The following NRXN1 variants were observed in gnomAD, a reference collection of about 807,000 sequenced individuals.
The protein encoded by NRXN1 is neurexin-1.
Under a neutral mutation model 150.9 loss-of-function variants are expected in NRXN1, and 39 were observed. That is an observed-to-expected ratio of 0.26 (90% CI 0.20 to 0.34). NRXN1 has a LOEUF of 0.34. Among genes scored for constraint, NRXN1 ranks in the 10% least tolerant of loss-of-function variants. The probability of loss-of-function intolerance (pLI) is 1.00; values close to 1 mark genes in which losing one functional copy is unlikely to be tolerated. For missense variants in NRXN1, 1,815 were observed against 1,949.9 expected (o/e 0.93, Z 1.30); for synonymous variants, 924 against 757.0 (o/e 1.22, Z -3.62).
chr2:49,960,947 C>T (rs916181497), intron 21 of NRXN1, among the ~76,000 whole-genome samples: 15 of 152,042 alleles, frequency 9.9e-5, no homozygotes, highest in South Asian at 4.2e-4. Flanking sequence ...CTATTGGGTA[C>T]GGGAAATAAT....
At chr2:50,443,017 TG>T (rs1475005458) in intron 17 of NRXN1, among the ~76,000 whole-genome samples, 1 of 151,948 alleles carries the variant, frequency 6.6e-6, no homozygotes, top group African/African-American at 2.4e-5. Flanking sequence ...CAGATTGGAG[TG>T]GGTTGAATAG....
chr2:50,893,640 C>T lies in NRXN1; in HGVS notation c.832+28229G>A, dbSNP rs185219266. Among the ~76,000 whole-genome samples, 118 of 152,234 alleles carry T rather than the reference C, an allele frequency of 7.8e-4. No individual in the cohort carries two copies. The East Asian group carries it at 8.3e-3, about 11-fold the overall frequency. On this transcript the variant is annotated intron_variant, in intron 5 of 22. Transcript: ENST00000401669. ...TATTTTTATTGAATCCAGAAGTTCT[C>T]TGATTATGCAGGGATGTATTATAAT...
At chr2:50,830,726 A>C (rs757544380) in intron 5 of NRXN1, among the ~76,000 whole-genome samples, 1 of 149,578 alleles carries the variant, frequency 6.7e-6, no homozygotes. Flanking sequence ...CCCATACTAG[A>C]TTCCTATAAG....
intron 17 of NRXN1, among the ~76,000 whole-genome samples, chr2:50,383,099 C>G (rs932219660): frequency 6.6e-6 from 1 of 152,006 alleles, no homozygotes; most frequent in African/African-American, 2.4e-5. Context: ...CTTTCAGGGC[C>G]AATCAGGTTG....
Position 50,296,518 on chromosome 2 carries a change from C to CTATTATTAT in NRXN1, c.3365-59557_3365-59549dup, listed in dbSNP as rs70946899. The stretch of plus-strand genomic sequence containing the variant: ...TCCATGTGTACCCATTGCTTAGCTT[C>CTATTATTAT]TATTATTATTATTATTATCATTATT... On this transcript the variant is annotated intron_variant, in intron 17 of 22. Coordinates refer to ENST00000401669, the MANE Select transcript of NRXN1 (RefSeq NM_001330078.2). Among the ~76,000 whole-genome samples the CTATTATTAT allele has an allele frequency of 7.7e-3, 1,140 of 148,002 alleles. 18 individuals are homozygous for CTATTATTAT. Among genetic ancestry groups the CTATTATTAT allele is most frequent in the African/African-American group, 0.024 (959 of 39,640 alleles).
At chr2:50,064,147 C>T (rs929694405) in intron 19 of NRXN1, among the ~76,000 whole-genome samples, 16 of 151,784 alleles carry the variant, frequency 1.1e-4, no homozygotes, top group South Asian at 6.2e-4. Context: ...CATATGTGTG[C>T]ATGTCTATTT....
chr2:50,160,225 T>C (rs561595333), intron 18 of NRXN1, among the ~76,000 whole-genome samples: 7 of 151,938 alleles, frequency 4.6e-5, no homozygotes, highest in Non-Finnish European at 5.9e-5. Context: ...ACTGCTAGTA[T>C]TGATGAAATG....
intron 18 of NRXN1, among the ~76,000 whole-genome samples, chr2:50,134,574 G>C (rs879265782): frequency 5.9e-5 from 9 of 152,162 alleles, no homozygotes; most frequent in Non-Finnish European, 8.8e-5. Flanking sequence ...CAAAAGAACC[G>C]ATCACAGAAG....
intron 15 of NRXN1, 111 bp from the exon 16 acceptor site, chr2:50,472,582 A>G (rs758856438): frequency 4.2e-5 from 33 of 793,064 alleles, no homozygotes; most frequent in Non-Finnish European, 5.9e-5. Context: ...TTAATAAAAA[A>G]TTAATTTATG....
In NRXN1 at chr2:50,589,675, A is replaced by G. The variant is rs7592016; in HGVS notation, c.1320+30347T>C. 3.6e-3 allele frequency among the ~76,000 whole-genome samples: 106 copies of G among 29,716 alleles called. 34 individuals carry two copies. In the Middle Eastern group the frequency reaches 0.062, roughly 18 times the overall value. The allele number at this position is 29,716 out of a possible 152,430, so 19.5% of individuals were successfully genotyped here. ...GGCCAAAACAGGGATTCTTATGCTC[A>G]CTTTACCAATGAGGAAATCAAGGCT... is the stretch of plus-strand genomic sequence containing the variant. On this transcript the variant is annotated intron_variant, in intron 8 of 22. Coordinates refer to ENST00000401669, the MANE Select transcript of NRXN1 (RefSeq NM_001330078.2).
chr2:50,757,526 T>C (rs1701285815), intron 5 of NRXN1, among the ~76,000 whole-genome samples: 1 of 151,812 alleles, frequency 6.6e-6, no homozygotes, highest in Non-Finnish European at 1.5e-5. Flanking sequence ...TGTACAACTA[T>C]GATATATGAA....
At chr2:50,186,327 C>T (rs1243944070) in intron 18 of NRXN1, among the ~76,000 whole-genome samples, 1 of 152,080 alleles carries the variant, frequency 6.6e-6, no homozygotes, top group Non-Finnish European at 1.5e-5. Flanking sequence ...TCAAGAAGGG[C>T]TCCCTAAAGC....
In NRXN1 at chr2:50,346,916, G is replaced by A. The variant is rs760477482; in HGVS notation, c.3365-109946C>T. 5.4e-6 allele frequency: 7 copies of A among 1,299,082 alleles called. No individual in the cohort carries two copies. In the South Asian group the frequency reaches 8.2e-5, roughly 15 times the overall value. 80.5% of individuals were successfully genotyped at this position (1,299,082 alleles called of 1,614,324 possible). A position where few individuals can be genotyped will look rare whatever the true frequency, so the allele number is the denominator to read the frequency against. On this transcript the variant is annotated intron_variant, in intron 17 of 22. Transcript: ENST00000401669. This position sits in a 1 kb window ranked among gnomAD's most constrained non-coding sequence, Gnocchi z 5.0. ...CCGCCGCCGCCCCCGGGCGAGCCCA[G>A]CTCGGCGCCGCACCGGAGCATCCTC...
In NRXN1 at chr2:50,508,820, C is replaced by G. The variant is rs1307612284; in HGVS notation, c.2375-2203G>C. On this transcript the variant is annotated intron_variant, in intron 12 of 22. Coordinates refer to ENST00000401669, the MANE Select transcript of NRXN1 (RefSeq NM_001330078.2). ...AATCTCTGTGCGCCAACTTCTAGCT[C>G]CTTTCATGCATTATTAAAATTGTGA... Among the ~76,000 whole-genome samples the G allele has an allele frequency of 2.0e-5, 3 of 152,114 alleles. No individual in the cohort carries two copies. In the South Asian group the frequency reaches 6.2e-4, roughly 32 times the overall value.
intron 5 of NRXN1, among the ~76,000 whole-genome samples, chr2:50,783,063 T>C (rs1434246024): frequency 1.3e-5 from 2 of 152,164 alleles, no homozygotes; most frequent in Middle Eastern, 3.2e-3. Context: ...GTCTATTTCA[T>C]ATTTGAGACA....
chr2:50,068,402 T>G (rs373682707), intron 19 of NRXN1, among the ~76,000 whole-genome samples: 18 of 25,426 alleles, frequency 7.1e-4, no homozygotes, highest in African/African-American at 1.8e-3. Flanking sequence ...AACTTTCCCC[T>G]AATACAAGTT....
chr2:50,926,063 T>A (rs951094010), intron 2 of NRXN1, 108 bp from the exon 3 acceptor site: 1 of 806,092 alleles, frequency 1.2e-6, no homozygotes, highest in Non-Finnish European at 2.1e-6. Context: ...ACCAAACACA[T>A]CATGCAAGTG....
In NRXN1 at chr2:50,472,337, C is replaced by T. The variant is rs192848776; in HGVS notation, c.3205G>A (p.Ala1069Thr). The change falls in exon 16 of 23, where the codon GCT becomes ACT. Residue 1069 changes from alanine (A) to threonine (T), a missense_variant. Coordinates refer to ENST00000401669, the MANE Select transcript of NRXN1 (RefSeq NM_001330078.2). The part of the protein sequence containing the change: ...NGRLPDLISD[A>T]LFCNGQIERG... Reference sequence around the variant, plus strand: ...TCGATCTGTCCGTTGCAGAAAAGAGCATCGGAGATGAGGTCCGGAAGCCGT... The same window carrying T: ...TCGATCTGTCCGTTGCAGAAAAGAGTATCGGAGATGAGGTCCGGAAGCCGT... 1.9e-6 allele frequency: 3 copies of T among 1,611,082 alleles called. No homozygotes were observed. Among genetic ancestry groups the T allele is most frequent in the Admixed American group, 1.7e-5 (1 of 59,676 alleles).
At chr2:50,947,114 T>C (rs1209193878) in intron 2 of NRXN1, among the ~76,000 whole-genome samples, 1 of 152,262 alleles carries the variant, frequency 6.6e-6, no homozygotes, top group African/African-American at 2.4e-5. Context: ...ATTTCTTACA[T>C]GACAAAGACA....
Sources: allele counts gnomAD v4.1 joint callset (sites outside exome capture counted in the v4.1 genomes callset), GRCh38; gene constraint gnomAD v4.1.1; non-coding constraint Gnocchi (gnomAD v3.1); transcripts MANE v1.5; gene names NCBI Gene and HGNC (gene_info 2026-07-23, HGNC 2026-07-21).